TSPAN11: variants seen among roughly 807,000 people sequenced by gnomAD.
TSPAN11 encodes tetraspanin 11, also known as tetraspanin-11.
A neutral mutation model predicts 32.9 loss-of-function variants in TSPAN11; 29 were observed. That is an observed-to-expected ratio of 0.88 (90% confidence interval 0.66 to 1.20). TSPAN11 has a LOEUF of 1.20. Ranked by LOEUF, TSPAN11 falls within the 50% of genes most tolerant of loss-of-function variation. The pLI, the probability that TSPAN11 is intolerant of heterozygous loss-of-function variation, is 0.00. For synonymous variants in TSPAN11, 140 were observed against 141.3 expected (o/e 0.99, Z 0.07); for missense variants, 283 against 329.1 (o/e 0.86, Z 1.08).
intron 3 of TSPAN11, among the ~76,000 whole-genome samples, chr12:30,974,725 T>C (rs1938925408): frequency 6.6e-6 from 1 of 151,958 alleles, no homozygotes; most frequent in Admixed American, 6.5e-5. Flanking sequence ...GGGGACAGAG[T>C]GGTAACACCT....
the TSPAN11 span, among the ~76,000 whole-genome samples, chr12:31,008,872 G>A: frequency 5.8e-3 from 881 of 152,242 alleles, 11 homozygotes; most frequent in African/African-American, 0.019. Flanking sequence ...TGCGCCATTC[G>A]ACCCAGGCTT....
chr12:30,988,279 G>T (rs932326091), intron 7 of TSPAN11, among the ~76,000 whole-genome samples: 1 of 152,196 alleles, frequency 6.6e-6, no homozygotes, highest in South Asian at 2.1e-4. Context: ...CTGGCTGCAT[G>T]CTAGAGTAGA....
chr12:30,939,440 T>C (rs2241325), intron 1 of TSPAN11, among the ~76,000 whole-genome samples: 10,758 of 152,144 alleles, frequency 0.071, 992 homozygotes, highest in African/African-American at 0.21. Flanking sequence ...TCTTCATAAC[T>C]AGGAAATCAC....
intron 1 of TSPAN11, among the ~76,000 whole-genome samples, chr12:30,937,548 G>A (rs145976155): frequency 1.3e-5 from 2 of 152,238 alleles, no homozygotes; most frequent in Non-Finnish European, 2.9e-5. Context: ...ACAGGACTGT[G>A]GCTTAAAGAA....
chr12:30,950,244 C>A (rs1198707147), intron 1 of TSPAN11, among the ~76,000 whole-genome samples: 2 of 152,186 alleles, frequency 1.3e-5, no homozygotes, highest in African/African-American at 4.8e-5. Flanking sequence ...TCACTCCCTC[C>A]ACTCATACTC....
chr12:30,981,739 C>T (rs1939096873), intron 5 of TSPAN11, among the ~76,000 whole-genome samples: 1 of 152,204 alleles, frequency 6.6e-6, no homozygotes, highest in South Asian at 2.1e-4. Context: ...CCATGCCTTA[C>T]TCAAGTTTCT....
intron 5 of TSPAN11, among the ~76,000 whole-genome samples, chr12:30,981,548 T>C (rs891605372): frequency 6.6e-6 from 1 of 152,216 alleles, no homozygotes; most frequent in Admixed American, 6.5e-5. Context: ...TTCTGCGCGC[T>C]GTGCCAGTCC....
chr12:30,983,895 T>A (rs1939147927), intron 7 of TSPAN11, among the ~76,000 whole-genome samples: 1 of 152,110 alleles, frequency 6.6e-6, no homozygotes, highest in Non-Finnish European at 1.5e-5. Context: ...CATCCATGGA[T>A]TTTGGTGTCC....
chr12:30,999,912 G>C (rs1368336922), downstream of TSPAN11, among the ~76,000 whole-genome samples: 1 of 152,062 alleles, frequency 6.6e-6, no homozygotes, highest in Non-Finnish European at 1.5e-5. Flanking sequence ...GTCCCCGCTG[G>C]CTCTCGGCTA....
In TSPAN11 at chr12:30,964,121, G is replaced by A. The variant is rs1281659192; in HGVS notation, c.276+104G>A. The stretch of plus-strand genomic sequence containing the variant: ...CCAGCCCTGGAGTGGGAGGGGCTGA[G>A]GCTGTGGGAGTGCCCGAGAAGGGGT... On this transcript the variant is annotated intron_variant, in intron 3 of 7. Coordinates refer to ENST00000546076, the MANE Select transcript of TSPAN11 (RefSeq NM_001370302.1). 7.5e-6 allele frequency: 7 copies of A among 935,358 alleles called. No homozygotes were observed. In the South Asian group the frequency reaches 8.0e-5, roughly 11 times the overall value. 57.9% of individuals were successfully genotyped at this position (935,358 alleles called of 1,614,324 possible).
At chr12:30,954,288 G>A in intron 2 of TSPAN11, 1 of 592,340 alleles carries the variant, frequency 1.7e-6, no homozygotes, top group Non-Finnish European at 3.0e-6. Flanking sequence ...CATGGAGTTT[G>A]TACCACATGG....
At chr12:30,991,563 G>T (rs1311461505) in intron 7 of TSPAN11, among the ~76,000 whole-genome samples, 1 of 152,194 alleles carries the variant, frequency 6.6e-6, no homozygotes, top group Non-Finnish European at 1.5e-5. Flanking sequence ...CTGAAGAATT[G>T]TAATAAGGAG....
intron 1 of TSPAN11, among the ~76,000 whole-genome samples, chr12:30,953,410 T>C (rs1938419807): frequency 6.6e-6 from 1 of 152,120 alleles, no homozygotes; most frequent in African/African-American, 2.4e-5. Flanking sequence ...GAGGCTCTTG[T>C]GCTTCTTCCT....
At chr12:30,937,093 T>G (rs191421261) in intron 1 of TSPAN11, among the ~76,000 whole-genome samples, 6 of 152,294 alleles carry the variant, frequency 3.9e-5, no homozygotes, top group Admixed American at 2.6e-4. Flanking sequence ...GTGACCAACT[T>G]TTCAAATTCA....
the TSPAN11 span, among the ~76,000 whole-genome samples, chr12:31,007,366 C>T: frequency 6.6e-6 from 1 of 152,118 alleles, no homozygotes; most frequent in Non-Finnish European, 1.5e-5. Flanking sequence ...TCTGTGCACC[C>T]TATTTTCCCC....
At chr12:30,928,019 G>A (rs74906169) in intron 1 of TSPAN11, among the ~76,000 whole-genome samples, 3,663 of 152,236 alleles carry the variant, frequency 0.024, 117 homozygotes, top group East Asian at 0.12. Flanking sequence ...GGCTTAGGTG[G>A]CCCAGAGCTG....
chr12:31,005,149 G>T, the TSPAN11 span, among the ~76,000 whole-genome samples: 1 of 152,156 alleles, frequency 6.6e-6, no homozygotes, highest in African/African-American at 2.4e-5. Context: ...AGGGAAAAAA[G>T]AAATTAAGCC....
intron 3 of TSPAN11, among the ~76,000 whole-genome samples, chr12:30,968,560 C>A (rs940219859): frequency 6.6e-6 from 1 of 152,096 alleles, no homozygotes; most frequent in African/African-American, 2.4e-5. Flanking sequence ...ATAATTCAGG[C>A]CATCTGAGCC....
At chr12:30,949,587 A>G (rs774146907) in intron 1 of TSPAN11, among the ~76,000 whole-genome samples, 5 of 152,170 alleles carry the variant, frequency 3.3e-5, no homozygotes, top group Admixed American at 6.5e-5. Context: ...CCATGATTCA[A>G]TTACCTCCCC....
Sources: allele counts gnomAD v4.1 joint callset (sites outside exome capture counted in the v4.1 genomes callset), GRCh38; gene constraint gnomAD v4.1.1; transcripts MANE v1.5; gene names NCBI Gene and HGNC (gene_info 2026-07-23, HGNC 2026-07-21).